MGMT: variants seen among roughly 807,000 people sequenced by gnomAD.
MGMT encodes the protein O-6-methylguanine-DNA methyltransferase, also known as methylated-DNA--protein-cysteine methyltransferase.
Under a neutral mutation model 15.9 loss-of-function variants are expected in MGMT, and 14 were observed. The ratio of observed to expected loss-of-function variants is 0.88; its 90% CI spans 0.58 to 1.37. The LOEUF (loss-of-function observed/expected upper bound fraction) is 1.37. MGMT is among the 40% of genes most tolerant of loss of function. The pLI is 0.00. For synonymous variants in MGMT, 130 were observed against 118.2 expected (o/e 1.10, Z -0.65); for missense variants, 282 against 268.1 (o/e 1.05, Z -0.36).
At chr10:129,541,047 G>A (rs1846037091) in intron 2 of MGMT, among the ~76,000 whole-genome samples, 1 of 152,236 alleles carries the variant, frequency 6.6e-6, no homozygotes, top group Non-Finnish European at 1.5e-5. Context: ...CTCTGAATGG[G>A]TGTTTCTTTA....
At chr10:129,712,334 A>G (rs1029939466) in intron 3 of MGMT, among the ~76,000 whole-genome samples, 2 of 152,174 alleles carry the variant, frequency 1.3e-5, no homozygotes, top group Admixed American at 6.5e-5. Context: ...AGTGACTGCA[A>G]TGTTCCCTTT....
intron 2 of MGMT, among the ~76,000 whole-genome samples, chr10:129,702,496 G>A (rs888831591): frequency 6.6e-6 from 1 of 152,230 alleles, no homozygotes; most frequent in African/African-American, 2.4e-5. Context: ...GGCTCTGAGT[G>A]TTTCCCCACC....
intron 4 of MGMT, among the ~76,000 whole-genome samples, chr10:129,763,063 A>G (rs1185257731): frequency 6.6e-6 from 1 of 152,096 alleles, no homozygotes; most frequent in East Asian, 1.9e-4. Flanking sequence ...AGGCCCCTTC[A>G]TGTTATTTTT....
intron 2 of MGMT, among the ~76,000 whole-genome samples, chr10:129,621,313 C>T (rs1033347717): frequency 3.9e-5 from 6 of 152,148 alleles, no homozygotes; most frequent in East Asian, 1.9e-4. Flanking sequence ...CCCATGTACA[C>T]GGCCATTGAT....
intron 2 of MGMT, among the ~76,000 whole-genome samples, chr10:129,589,683 C>T (rs575995719): frequency 8.5e-5 from 13 of 152,328 alleles, no homozygotes; most frequent in Middle Eastern, 3.4e-3. Flanking sequence ...GGCTGCTTAA[C>T]GCTCACATGG....
At chr10:129,537,567 T>C (rs1439780258) in intron 2 of MGMT, among the ~76,000 whole-genome samples, 2 of 152,170 alleles carry the variant, frequency 1.3e-5, no homozygotes, top group Non-Finnish European at 1.5e-5. Flanking sequence ...TGTTGGTTTT[T>C]TTTTTCTTTT....
intron 2 of MGMT, among the ~76,000 whole-genome samples, chr10:129,581,386 C>G (rs1564858938): frequency 6.6e-6 from 1 of 152,156 alleles, no homozygotes; most frequent in African/African-American, 2.4e-5. Context: ...CGGTGGCAGT[C>G]CTTGGAGAAC....
At chr10:129,606,394 C>T (rs980084945) in intron 2 of MGMT, among the ~76,000 whole-genome samples, 1 of 152,114 alleles carries the variant, frequency 6.6e-6, no homozygotes, top group African/African-American at 2.4e-5. Flanking sequence ...TCTTCGTTGA[C>T]TTTTGTCTCT....
intron 2 of MGMT, among the ~76,000 whole-genome samples, chr10:129,623,582 C>T (rs61859904): frequency 0.059 from 9,010 of 152,098 alleles, 360 homozygotes; most frequent in Non-Finnish European, 0.09. Context: ...CGCTGTTTTG[C>T]CCAGGATGGA....
chr10:129,608,590 A>G (rs1564867355), intron 2 of MGMT, among the ~76,000 whole-genome samples: 1 of 152,252 alleles, frequency 6.6e-6, no homozygotes. Context: ...TTATATTAAA[A>G]TAAGGCATAA....
intron 2 of MGMT, among the ~76,000 whole-genome samples, chr10:129,542,014 C>G (rs950963292): frequency 6.6e-6 from 1 of 152,166 alleles, no homozygotes; most frequent in Non-Finnish European, 1.5e-5. Flanking sequence ...CCCTCTGGAA[C>G]GTGAGAACGT....
At chr10:129,565,896 G>A (rs942953722) in intron 2 of MGMT, among the ~76,000 whole-genome samples, 2 of 151,974 alleles carry the variant, frequency 1.3e-5, no homozygotes, top group Non-Finnish European at 2.9e-5. Flanking sequence ...TGCTTTTTTT[G>A]CTGGGGCTTG....
Position 129,532,557 on chromosome 10 carries a change from A to T in MGMT, c.-12-3684A>T, listed in dbSNP as rs1845943768. Among the ~76,000 whole-genome samples the T allele has an allele frequency of 6.6e-6, 1 of 151,886 alleles. No homozygotes were observed. Among genetic ancestry groups the T allele is most frequent in the African/African-American group, 2.4e-5 (1 of 41,352 alleles). On this transcript the variant is annotated intron_variant, in intron 1 of 4. Coordinates refer to ENST00000651593, the MANE Select transcript of MGMT (RefSeq NM_002412.5). This position sits in a 1 kb window ranked among gnomAD's most constrained non-coding sequence, Gnocchi z 5.3. ...ACCCCATCCCCCATGCCCCTACTTC[A>T]GCTTGCTGGGATTCACCCCCAGTGG...
intron 3 of MGMT, among the ~76,000 whole-genome samples, chr10:129,753,447 C>T (rs1462779662): frequency 6.6e-6 from 1 of 152,100 alleles, no homozygotes; most frequent in African/African-American, 2.4e-5. Context: ...TCTGTAACTC[C>T]AGTGACATAA....
chr10:129,762,490 G>A (rs552814042), intron 4 of MGMT, among the ~76,000 whole-genome samples: 53 of 152,216 alleles, frequency 3.5e-4, no homozygotes, highest in African/African-American at 1.2e-3. Context: ...CTCACCAGCC[G>A]GTGTAAGGTG....
chr10:129,585,456 T>A (rs1846607333), intron 2 of MGMT, among the ~76,000 whole-genome samples: 1 of 152,232 alleles, frequency 6.6e-6, no homozygotes, highest in Admixed American at 6.5e-5. Context: ...ACCCTTGGTA[T>A]CCCTGAGGGG....
chr10:129,658,665 T>C lies in MGMT; in HGVS notation c.126-49230T>C, dbSNP rs887878516. Among the ~76,000 whole-genome samples the C allele has an allele frequency of 3.3e-5, 5 of 152,250 alleles. No individual in the cohort carries two copies. The South Asian group carries it at 8.3e-4, about 25-fold the overall frequency. ...AGTTCTGCAGTGATTTGACATGTCC[T>C]GGAAGAAATTATCTTCGCAAGAAAG... On this transcript the variant is annotated intron_variant, in intron 2 of 4. Transcript: ENST00000651593.
rs7920419 is a variant in MGMT, at chr10:129,492,520, C to T, written c.-13+25224C>T. Among the ~76,000 whole-genome samples the T allele has an allele frequency of 6.0e-3, 919 of 152,304 alleles. 11 individuals carry two copies. Among genetic ancestry groups the T allele is most frequent in the African/African-American group, 0.021 (880 of 41,556 alleles). The stretch of plus-strand genomic sequence containing the variant: ...TGACCCAGCTCTCTAGGCTCATGAA[C>T]GCAGCCCCATAGGATAGCAAATTGA... On this transcript the variant is annotated intron_variant, in intron 1 of 4. Transcript: ENST00000651593.
At chr10:129,574,823 T>C (rs1379897970) in intron 2 of MGMT, among the ~76,000 whole-genome samples, 1 of 152,208 alleles carries the variant, frequency 6.6e-6, no homozygotes, top group African/African-American at 2.4e-5. Flanking sequence ...ATTAAAAATA[T>C]TGCTGCCTTC....
Sources: gnomAD v4.1 joint callset for allele counts (sites outside exome capture counted in the v4.1 genomes callset) on GRCh38, gnomAD v4.1.1 for gene constraint, Gnocchi (gnomAD v3.1) non-coding constraint, MANE v1.5 for transcripts, NCBI Gene and HGNC (gene_info 2026-07-23, HGNC 2026-07-21) for gene names.